The following SCGB2A1 variants were observed in gnomAD, a reference collection of about 807,000 sequenced individuals.
SCGB2A1 encodes the protein secretoglobin family 2A member 1, also known as mammaglobin-B.
Under a neutral mutation model 9.2 loss-of-function variants are expected in SCGB2A1, and 6 were observed. The ratio of observed to expected loss-of-function variants is 0.66; its 90% confidence interval spans 0.36 to 1.29. The LOEUF (loss-of-function observed/expected upper bound fraction) is 1.29. SCGB2A1 is among the 50% of genes most tolerant of loss of function. SCGB2A1 has a pLI of 0.03. For synonymous variants in SCGB2A1, 37 were observed against 41.0 expected (o/e 0.90, Z 0.37); for missense variants, 138 against 116.9 (o/e 1.18, Z -0.83).
intron 2 of SCGB2A1, among the ~76,000 whole-genome samples, chr11:62,211,647 G>T (rs191693913): frequency 6.6e-6 from 1 of 151,922 alleles, no homozygotes; most frequent in Non-Finnish European, 1.5e-5. Context: ...TGATCTGCCC[G>T]CCTCGGCCTC....
At chr11:62,211,330 C>G (rs997078088) in intron 2 of SCGB2A1, among the ~76,000 whole-genome samples, 1 of 121,242 alleles carries the variant, frequency 8.2e-6, no homozygotes, top group African/African-American at 2.7e-5. Flanking sequence ...AACAAATATT[C>G]AAAACATTCT....
intron 2 of SCGB2A1, among the ~76,000 whole-genome samples, chr11:62,211,342 A>G (rs867234960): frequency 6.6e-6 from 1 of 151,660 alleles, no homozygotes; most frequent in Non-Finnish European, 1.5e-5. Flanking sequence ...AAACATTCTT[A>G]TTTTTTTTTA....
intron 1 of SCGB2A1, 95 bp downstream of exon 1, chr11:62,208,881 A>C: frequency 7.7e-7 from 1 of 1,303,990 alleles, no homozygotes; most frequent in Admixed American, 1.8e-5. Context: ...AGCACAGACG[A>C]GCCCCAGTGT....
intron 1 of SCGB2A1, 23 bp from the exon 2 acceptor site, chr11:62,210,390 T>TC: frequency 2.0e-5 from 10 of 493,768 alleles, no homozygotes; most frequent in Non-Finnish European, 2.2e-5. Flanking sequence ...TTGTGTCTTT[T>TC]TTTTTTTTTT....
At chr11:62,213,532 C>A in intron 2 of SCGB2A1, 194 bp from the exon 3 acceptor site, 1 of 547,806 alleles carries the variant, frequency 1.8e-6, no homozygotes, top group South Asian at 2.6e-5. Context: ...ACAACCCTGG[C>A]CCCTGTTTGG....
intron 1 of SCGB2A1, among the ~76,000 whole-genome samples, chr11:62,209,672 T>C (rs2134732885): frequency 8.2e-6 from 1 of 121,608 alleles, no homozygotes; most frequent in Middle Eastern, 5.1e-3. Flanking sequence ...TGTGTGTGTG[T>C]GTGTGTTTGA....
rs535566830 is a variant in SCGB2A1 at position 62,211,909 on chromosome 11, C to G, written c.243+1309C>G. ...TCTGTTTATAAAGATGTGTTGGTTA[C>G]GAGTTTTGTTTTTTGTTTTTCGTTT... On this transcript the variant is annotated intron_variant, in intron 2 of 2. Coordinates refer to ENST00000244930, the MANE Select transcript of SCGB2A1 (RefSeq NM_002407.3). 8.5e-5 allele frequency among the ~76,000 whole-genome samples: 13 copies of G among 152,074 alleles called. 1 individual carries two copies. The East Asian group carries it at 2.5e-3, about 29-fold the overall frequency.
intron 2 of SCGB2A1, among the ~76,000 whole-genome samples, chr11:62,213,092 A>ACATC: frequency 1.8e-4 from 1 of 5,582 alleles, no homozygotes; most frequent in African/African-American, 2.0e-4. Flanking sequence ...ATATATACAC[A>ACATC]TATATATATA....
chr11:62,208,907 G>C lies in SCGB2A1; in HGVS notation c.55+121G>C. On this transcript the variant is annotated intron_variant, in intron 1 of 2. Transcript: ENST00000244930. ...GCCCCAGTGTGAAGGGCCTGGGTGC[G>C]ATAGGCCTTAGGATCCCCATGAGTT... 3 of 930,460 alleles carry C rather than the reference G, an allele frequency of 3.2e-6. No homozygotes were observed. The South Asian group carries it at 4.4e-5, about 14-fold the overall frequency. 57.6% of individuals were successfully genotyped at this position (930,460 alleles called of 1,614,324 possible).
At chr11:62,209,633 TCATGTGTGTGTG>T (rs1260485278) in intron 1 of SCGB2A1, among the ~76,000 whole-genome samples, 1 of 98,880 alleles carries the variant, frequency 1.0e-5, no homozygotes, top group African/African-American at 3.6e-5. Context: ...TATTTCACAT[TCATGTGTGTGTG>T]TGTGTGTGTG....
chr11:62,212,256 TA>T (rs932355601), intron 2 of SCGB2A1, among the ~76,000 whole-genome samples: 3 of 152,074 alleles, frequency 2.0e-5, no homozygotes, highest in Admixed American at 6.6e-5. Context: ...CATTCCATAA[TA>T]AAAAATGTAA....
intron 1 of SCGB2A1, among the ~76,000 whole-genome samples, chr11:62,209,849 A>G (rs891774131): frequency 3.3e-5 from 5 of 151,944 alleles, no homozygotes; most frequent in South Asian, 2.1e-4. Context: ...TAATTTTTAA[A>G]TTTTTTGTAG....
chr11:62,213,038 A>G (rs1234151139), intron 2 of SCGB2A1, among the ~76,000 whole-genome samples: 4 of 118,256 alleles, frequency 3.4e-5, no homozygotes, highest in Non-Finnish European at 7.3e-5. Context: ...ATACACACAT[A>G]TATACATATA....
At chr11:62,211,349 T>TTC (rs1442779367) in intron 2 of SCGB2A1, among the ~76,000 whole-genome samples, 2 of 152,106 alleles carry the variant, frequency 1.3e-5, no homozygotes, top group African/African-American at 4.8e-5. Flanking sequence ...CTTATTTTTT[T>TTC]TTATCTAGCT....
Position 62,213,087 on chromosome 11 carries a change from T to C in SCGB2A1, c.244-639T>C, listed in dbSNP as rs1387728627. ...ACATATATACATATATACACATATA[T>C]ACACATATATATATATATATTTTTT... On this transcript the variant is annotated intron_variant, in intron 2 of 2. Transcript: ENST00000244930. Among the ~76,000 whole-genome samples, 14 of 119,226 alleles carry C rather than the reference T, an allele frequency of 1.2e-4. No individual in the cohort carries two copies. The East Asian group carries it at 1.4e-3, about 12-fold the overall frequency. 78.2% of individuals were successfully genotyped at this position (119,226 alleles called of 152,430 possible).
chr11:62,212,935 CACACATATGT>C (rs562726625), intron 2 of SCGB2A1, among the ~76,000 whole-genome samples: 1 of 133,668 alleles, frequency 7.5e-6, no homozygotes, highest in African/African-American at 2.8e-5. Context: ...CACATATATA[CACACATATGT>C]ACACACATAT....
At chr11:62,208,857 A>T (rs1241972769) in intron 1 of SCGB2A1, 71 bp downstream of exon 1, 1 of 1,486,458 alleles carries the variant, frequency 6.7e-7, no homozygotes, top group Non-Finnish European at 9.3e-7. Context: ...AAGAACTCCC[A>T]ACCTCTAATC....
At chr11:62,213,132 T>C (rs1944852730) in intron 2 of SCGB2A1, among the ~76,000 whole-genome samples, 1 of 140,494 alleles carries the variant, frequency 7.1e-6, no homozygotes, top group Non-Finnish European at 1.5e-5. Flanking sequence ...AGATGGCATT[T>C]TGTCATATTG....
At chr11:62,213,578 G>A in intron 2 of SCGB2A1, 148 bp from the exon 3 acceptor site, 1 of 690,208 alleles carries the variant, frequency 1.4e-6, no homozygotes, top group Non-Finnish European at 2.5e-6. Context: ...AGAATAAATG[G>A]AGAGGGGATG....
Sources: allele counts gnomAD v4.1 joint callset (sites outside exome capture counted in the v4.1 genomes callset), GRCh38; gene constraint gnomAD v4.1.1; transcripts MANE v1.5; gene names NCBI Gene and HGNC (gene_info 2026-07-23, HGNC 2026-07-21).